The following ABCC4 variants were observed in gnomAD, a reference collection of about 807,000 sequenced individuals.
ABCC4 encodes ATP-binding cassette sub-family C member 4.
ABCC4 carries 102 observed loss-of-function variants against 168.5 expected under a neutral mutation model. The observed-to-expected ratio is 0.61, with a 90% CI of 0.52 to 0.71. The LOEUF (loss-of-function observed/expected upper bound fraction) is 0.71. Ranked by LOEUF, ABCC4 falls within the 30% of genes least tolerant of loss-of-function variation. The pLI is 0.00. For missense variants in ABCC4, 1,402 were observed against 1,605.8 expected, an observed-to-expected ratio of 0.87 and a Z score of 2.17; for synonymous variants, 617 against 590.7, an observed-to-expected ratio of 1.04 and a Z score of -0.65.
At chr13:95,186,952 T>A in intron 10 of ABCC4, 60 bp from the exon 11 acceptor site, 1 of 1,423,532 alleles carries the variant, frequency 7.0e-7, no homozygotes, top group African/African-American at 1.4e-5. Flanking sequence ...AATAAGCCAC[T>A]GCAATGCAGC....
chr13:95,192,435 G>A (rs2038284727), intron 9 of ABCC4, among the ~76,000 whole-genome samples: 1 of 152,118 alleles, frequency 6.6e-6, no homozygotes, highest in Non-Finnish European at 1.5e-5. Flanking sequence ...AGCTGTCAAT[G>A]TTATCTAGGA....
intron 25 of ABCC4, among the ~76,000 whole-genome samples, chr13:95,065,495 T>C (rs916108801): frequency 2.0e-5 from 3 of 152,194 alleles, no homozygotes; most frequent in Admixed American, 1.3e-4. Context: ...TAATCTATTA[T>C]TTAATAAAAG....
At chr13:95,188,414 T>C (rs2038139417) in intron 10 of ABCC4, 39 bp downstream of exon 10, 1 of 1,576,342 alleles carries the variant, frequency 6.3e-7, no homozygotes, top group Non-Finnish European at 8.7e-7. Flanking sequence ...ATATGATAAG[T>C]GGGGTTGCAA....
intron 9 of ABCC4, among the ~76,000 whole-genome samples, chr13:95,194,074 C>A (rs1298314928): frequency 6.6e-6 from 1 of 152,184 alleles, no homozygotes; most frequent in Non-Finnish European, 1.5e-5. Flanking sequence ...CCCACTGCTT[C>A]CTTGGAAGCA....
intron 9 of ABCC4, among the ~76,000 whole-genome samples, chr13:95,193,973 T>C (rs2038339141): frequency 6.6e-6 from 1 of 152,222 alleles, no homozygotes; most frequent in Non-Finnish European, 1.5e-5. Context: ...CGTTGCCTCC[T>C]GTCTCCTTGC....
At chr13:95,113,174 G>C (rs960225429) in intron 20 of ABCC4, among the ~76,000 whole-genome samples, 2 of 152,088 alleles carry the variant, frequency 1.3e-5, no homozygotes, top group Non-Finnish European at 2.9e-5. Flanking sequence ...AATTTCCTTT[G>C]CAAAACAAAA....
At chr13:95,183,658 A>G (rs1187974954) in intron 11 of ABCC4, among the ~76,000 whole-genome samples, 1 of 152,238 alleles carries the variant, frequency 6.6e-6, no homozygotes, top group East Asian at 1.9e-4. Flanking sequence ...CATGCAAATA[A>G]TCCCAGCATT....
intron 19 of ABCC4, among the ~76,000 whole-genome samples, chr13:95,131,571 G>T (rs112638465): frequency 0.035 from 5,326 of 152,268 alleles, 128 homozygotes; most frequent in Middle Eastern, 0.054. Context: ...GGAGGCTACA[G>T]TGAGCCGAGA....
chr13:95,052,603 G>A (rs1484745663), intron 27 of ABCC4, among the ~76,000 whole-genome samples: 1 of 152,144 alleles, frequency 6.6e-6, no homozygotes, highest in African/African-American at 2.4e-5. Context: ...TTACACGTTT[G>A]CCAATAAATA....
chr13:95,061,875 TC>T (rs1404571278), intron 26 of ABCC4, among the ~76,000 whole-genome samples: 10 of 152,098 alleles, frequency 6.6e-5, no homozygotes, highest in African/African-American at 2.4e-4. Flanking sequence ...TAGTAATTAC[TC>T]AATGAATACT....
At chr13:95,042,960 G>A (rs1259293843) in intron 29 of ABCC4, among the ~76,000 whole-genome samples, 1 of 152,196 alleles carries the variant, frequency 6.6e-6, no homozygotes, top group Non-Finnish European at 1.5e-5. Flanking sequence ...AGTAGAGACA[G>A]GGTTTCCCCA....
chr13:95,077,426 C>A (rs929603734), intron 21 of ABCC4, among the ~76,000 whole-genome samples: 1 of 151,702 alleles, frequency 6.6e-6, no homozygotes, highest in Non-Finnish European at 1.5e-5. Flanking sequence ...GCAGCCTCAA[C>A]CTCCCAGGCT....
chr13:95,202,212 C>T (rs942361513), intron 8 of ABCC4, among the ~76,000 whole-genome samples: 1 of 152,212 alleles, frequency 6.6e-6, no homozygotes, highest in Non-Finnish European at 1.5e-5. Context: ...CAAGACTGTC[C>T]TCCTCAGACT....
At chr13:95,118,368 C>T (rs1014554683) in intron 19 of ABCC4, among the ~76,000 whole-genome samples, 4 of 151,974 alleles carry the variant, frequency 2.6e-5, no homozygotes, top group South Asian at 4.1e-4. Context: ...CTCAGCCTCC[C>T]GCGTAGCTGA....
At chr13:95,106,567 G>A (rs2035012968) in intron 20 of ABCC4, among the ~76,000 whole-genome samples, 1 of 151,766 alleles carries the variant, frequency 6.6e-6, no homozygotes, top group Non-Finnish European at 1.5e-5. Context: ...AAAAAGGGAG[G>A]GAGGGTAGAC....
At chr13:95,163,019 G>A in intron 18 of ABCC4, 103 bp downstream of exon 18, 2 of 784,676 alleles carry the variant, frequency 2.5e-6, no homozygotes, top group Non-Finnish European at 4.5e-6. Context: ...CTCCTGATCT[G>A]TTAAGACATT....
At chr13:95,183,626 G>A (rs533195638) in intron 11 of ABCC4, among the ~76,000 whole-genome samples, 4 of 152,288 alleles carry the variant, frequency 2.6e-5, no homozygotes, top group South Asian at 2.1e-4. Context: ...AGTGGACACC[G>A]AGCTGGTCGT....
intron 20 of ABCC4, among the ~76,000 whole-genome samples, chr13:95,106,745 C>A (rs993451484): frequency 1.4e-5 from 2 of 139,844 alleles, no homozygotes; most frequent in African/African-American, 5.4e-5. Flanking sequence ...GAGGCAGTGA[C>A]ACAGGATAGT....
At chr13:95,064,260 G>A (rs890626195) in intron 25 of ABCC4, among the ~76,000 whole-genome samples, 4,699 of 19,260 alleles carry the variant, frequency 0.24, 114 homozygotes, top group Admixed American at 0.33. Context: ...GTGTGTGTGT[G>A]TATATATATA....
Sources: gnomAD v4.1 joint callset for allele counts (sites outside exome capture counted in the v4.1 genomes callset) on GRCh38, gnomAD v4.1.1 for gene constraint, MANE v1.5 for transcripts, NCBI Gene and HGNC (gene_info 2026-07-23, HGNC 2026-07-21) for gene names.